The following SPDYA variants were observed in gnomAD, a reference collection of about 807,000 sequenced individuals.
SPDYA encodes speedy protein A.
Under a neutral mutation model 36.7 loss-of-function variants are expected in SPDYA, and 11 were observed. That is an observed-to-expected ratio of 0.30 (90% confidence interval 0.19 to 0.50). The LOEUF (loss-of-function observed/expected upper bound fraction) is 0.50. SPDYA is among the 20% of genes least tolerant of loss of function. The probability of loss-of-function intolerance (pLI) is 0.98; values close to 1 mark genes in which losing one functional copy is unlikely to be tolerated. For missense variants in SPDYA, 287 were observed against 370.9 expected (o/e 0.77, Z 1.86); for synonymous variants, 115 against 118.7 (o/e 0.97, Z 0.20).
intron 6 of SPDYA, among the ~76,000 whole-genome samples, chr2:28,831,191 CACAAAAAAT>C (rs993937615): frequency 3.3e-5 from 5 of 151,852 alleles, no homozygotes; most frequent in Non-Finnish European, 7.4e-5. Context: ...ACACTGTCTC[CACAAAAAAT>C]ACAAAAAATT....
chr2:28,824,492 CAAAAAA>C lies in SPDYA; in HGVS notation c.380+2089_380+2094del, dbSNP rs61540635. 1.7e-3 allele frequency among the ~76,000 whole-genome samples: 192 copies of C among 110,082 alleles called. 1 individual carries two copies. Among genetic ancestry groups the C allele is most frequent in the Non-Finnish European group, 2.8e-3 (156 of 56,476 alleles). 72.2% of individuals were successfully genotyped at this position (110,082 alleles called of 152,430 possible). On this transcript the variant is annotated intron_variant, in intron 5 of 7. Coordinates refer to ENST00000334056, the MANE Select transcript of SPDYA (RefSeq NM_182756.4). ...TGCTGTCAGGAGAAAAAAAAAAAAA[CAAAAAA>C]AAAAAACAGGACTAGAAGAAACTGA...
At position 28,817,717 on chromosome 2, in the gene SPDYA, G is replaced by A. The variant is rs563575930; in HGVS notation, c.236-1331G>A. ...ATGGTGAAACCCCATCAGGCGTGGT[G>A]GTGCATGCCTGTAATCCCAGCTACT... is the stretch of plus-strand genomic sequence containing the variant. On this transcript the variant is annotated intron_variant, in intron 3 of 7. Transcript: ENST00000334056. Among the ~76,000 whole-genome samples the A allele has an allele frequency of 2.0e-5, 3 of 151,348 alleles. No homozygotes were observed. The East Asian group carries it at 5.8e-4, about 29-fold the overall frequency.
At chr2:28,815,405 A>AT (rs1448539996) in intron 2 of SPDYA, among the ~76,000 whole-genome samples, 1 of 151,926 alleles carries the variant, frequency 6.6e-6, no homozygotes, top group South Asian at 2.1e-4. Context: ...GCACATCTAC[A>AT]TTTTTTGCTA....
At chr2:28,848,572 G>C (rs1668944643) in intron 7 of SPDYA, among the ~76,000 whole-genome samples, 1 of 152,078 alleles carries the variant, frequency 6.6e-6, no homozygotes, top group Non-Finnish European at 1.5e-5. Flanking sequence ...TTAATGTCAA[G>C]CTCTATCATA....
intron 6 of SPDYA, among the ~76,000 whole-genome samples, chr2:28,829,577 G>A (rs1668422701): frequency 6.6e-6 from 1 of 152,080 alleles, no homozygotes; most frequent in Non-Finnish European, 1.5e-5. Context: ...AGAGGCTGAG[G>A]CGGGTGGATC....
rs200876542 is a variant in SPDYA at position 28,816,264 on chromosome 2, T to G, written c.235+15T>G. 2.2e-4 allele frequency: 333 copies of G among 1,537,824 alleles called. 1 individual carries two copies. The African/African-American group carries it at 4.1e-3, about 19-fold the overall frequency. On this transcript the variant is annotated intron_variant, in intron 3 of 7. Coordinates refer to ENST00000334056, the MANE Select transcript of SPDYA (RefSeq NM_182756.4). ...TAAATTATTTGGTAGGTTTAAAATA[T>G]TGTAATAGTGGTAATTATAAAGTAC...
chr2:28,821,060 C>T (rs1668142817), intron 4 of SPDYA, among the ~76,000 whole-genome samples: 1 of 152,070 alleles, frequency 6.6e-6, no homozygotes, highest in Non-Finnish European at 1.5e-5. Context: ...ATAAATATTT[C>T]ACAATATATC....
At chr2:28,844,283 G>C (rs1033976200) in intron 7 of SPDYA, among the ~76,000 whole-genome samples, 1 of 152,226 alleles carries the variant, frequency 6.6e-6, no homozygotes, top group Non-Finnish European at 1.5e-5. Flanking sequence ...GTTTTTCAAA[G>C]TAAGATATTA....
chr2:28,818,919 G>A (rs1253286072), intron 3 of SPDYA, 129 bp from the exon 4 acceptor site: 1 of 675,458 alleles, frequency 1.5e-6, no homozygotes, highest in Non-Finnish European at 2.5e-6. Flanking sequence ...CTCCACCTTA[G>A]GCAACACTGG....
At chr2:28,819,726 G>C (rs1372454687) in intron 4 of SPDYA, among the ~76,000 whole-genome samples, 1 of 145,056 alleles carries the variant, frequency 6.9e-6, no homozygotes, top group Non-Finnish European at 1.5e-5. Context: ...GCTCATGCCT[G>C]TAATCCCAAC....
At chr2:28,824,363 G>A (rs1349970532) in intron 5 of SPDYA, among the ~76,000 whole-genome samples, 2 of 151,208 alleles carry the variant, frequency 1.3e-5, no homozygotes, top group Non-Finnish European at 2.9e-5. Context: ...TGTAGTGCCA[G>A]CTACTTGGGA....
At chr2:28,838,245 G>A (rs10166861) in intron 6 of SPDYA, among the ~76,000 whole-genome samples, 71,736 of 148,568 alleles carry the variant, frequency 0.48, 17,844 homozygotes, top group East Asian at 0.77. Flanking sequence ...GTAATGGCAA[G>A]GTGTAAGCTC....
At chr2:28,835,225 CCTTT>C (rs1373551550) in intron 6 of SPDYA, among the ~76,000 whole-genome samples, 1 of 148,686 alleles carries the variant, frequency 6.7e-6, no homozygotes, top group African/African-American at 2.4e-5. Flanking sequence ...TAGTGCCTGA[CCTTT>C]TTTTTTTTTT....
intron 4 of SPDYA, among the ~76,000 whole-genome samples, chr2:28,819,558 C>G (rs914243275): frequency 4.0e-5 from 6 of 151,780 alleles, no homozygotes; most frequent in Non-Finnish European, 5.9e-5. Context: ...CTAGCCTGCA[C>G]TGCTCCTTCA....
In SPDYA at chr2:28,849,904, A is replaced by AC. The variant is rs1388001077; in HGVS notation, c.906dup (p.Lys303GlnfsTer10). On this transcript the variant is annotated frameshift_variant, in exon 8 of 8. Coordinates refer to ENST00000334056, the MANE Select transcript of SPDYA (RefSeq NM_182756.4). LOFTEE classifies it high-confidence loss of function. Reference sequence around the variant, plus strand: ...AAGAAAACTAATTTCTTGAAGAAAGACAAATCTATGGAGTGGTTTACAGGA... The same window carrying AC: ...AAGAAAACTAATTTCTTGAAGAAAGACCAAATCTATGGAGTGGTTTACAGGA... 1 of 1,595,366 alleles carries AC rather than the reference A, an allele frequency of 6.3e-7. No individual in the cohort carries two copies. The highest frequency in any genetic ancestry group is 1.4e-5 in the African/African-American group (1 of 73,974).
chr2:28,814,050 CT>C (rs1021457995), intron 1 of SPDYA, among the ~76,000 whole-genome samples: 9 of 152,122 alleles, frequency 5.9e-5, no homozygotes, highest in African/African-American at 2.2e-4. Flanking sequence ...TTTGGCAGGA[CT>C]TTAGGATCTA....
At position 28,840,246 on chromosome 2, in the gene SPDYA, C is replaced by A. The variant is rs753559058; in HGVS notation, c.627C>A (p.Asn209Lys). Residue 209 changes from asparagine (N) to lysine (K), a missense_variant, in exon 7 of 8, where the codon AAC becomes AAA. Physicochemically the swap from Asn to Lys is moderately conservative, Grantham distance 94. Transcript: ENST00000334056. ...RSVHHSGAVR[N>K]YNRDEVQLPR... The stretch of plus-strand genomic sequence containing the variant: ...TTCATCACAGTGGAGCTGTCAGAAA[C>A]TACAACAGAGATGAAGTTCAGCTGC... The A allele has an allele frequency of 3.1e-6, 5 of 1,614,108 alleles. No individual in the cohort carries two copies. In the South Asian group the frequency reaches 5.5e-5, roughly 18 times the overall value.
chr2:28,812,186 G>A (rs1667863690), intron 1 of SPDYA, among the ~76,000 whole-genome samples: 1 of 152,140 alleles, frequency 6.6e-6, no homozygotes, highest in Non-Finnish European at 1.5e-5. Flanking sequence ...ACACAGAGAT[G>A]TTTTGAGAAT....
At chr2:28,839,561 A>G (rs994023150) in intron 6 of SPDYA, among the ~76,000 whole-genome samples, 2 of 152,000 alleles carry the variant, frequency 1.3e-5, no homozygotes, top group East Asian at 3.9e-4. Context: ...GAGTGCAGTG[A>G]CGCGATCTCG....
Sources: allele counts gnomAD v4.1 joint callset (sites outside exome capture counted in the v4.1 genomes callset), GRCh38; gene constraint gnomAD v4.1.1; transcripts MANE v1.5; gene names NCBI Gene and HGNC (gene_info 2026-07-23, HGNC 2026-07-21).